The following CADPS variants were observed in gnomAD, a reference collection of about 807,000 sequenced individuals.
CADPS encodes the protein calcium dependent secretion activator, also known as calcium-dependent secretion activator 1.
CADPS carries 57 observed loss-of-function variants against 167.3 expected under a neutral mutation model. The ratio of observed to expected loss-of-function variants is 0.34; its 90% CI spans 0.28 to 0.42. The LOEUF (loss-of-function observed/expected upper bound fraction) is 0.42, where lower values mean the gene tolerates loss of function less well. CADPS is among the 20% of genes least tolerant of loss of function. The probability of loss-of-function intolerance (pLI) is 1.00; values close to 1 mark genes in which losing one functional copy is unlikely to be tolerated. For missense variants in CADPS, 1,414 were observed against 1,738.1 expected (o/e 0.81, Z 3.32); for synonymous variants, 676 against 635.3 (o/e 1.06, Z -0.96).
intron 6 of CADPS, among the ~76,000 whole-genome samples, chr3:62,643,499 G>A (rs953832786): frequency 1.2e-4 from 19 of 152,200 alleles, no homozygotes; most frequent in African/African-American, 4.6e-4. Context: ...CACATGTATA[G>A]TTATGAGTAA....
chr3:62,556,396 C>T (rs916288399), intron 10 of CADPS, among the ~76,000 whole-genome samples: 4 of 152,202 alleles, frequency 2.6e-5, no homozygotes, highest in African/African-American at 9.7e-5. Flanking sequence ...GGGCCCAAGG[C>T]CTTCCCTGCC....
chr3:62,827,513 T>TGAA (rs368570374), intron 1 of CADPS, among the ~76,000 whole-genome samples: 39 of 152,238 alleles, frequency 2.6e-4, no homozygotes, highest in African/African-American at 8.9e-4. Context: ...AAGGAAGGGG[T>TGAA]GAAGTCAGGT....
At chr3:62,624,726 G>A (rs750742141) in intron 6 of CADPS, among the ~76,000 whole-genome samples, 1 of 152,052 alleles carries the variant, frequency 6.6e-6, no homozygotes, top group African/African-American at 2.4e-5. Context: ...CTAAGTCTTG[G>A]TTTTCTCTAT....
chr3:62,725,111 T>C (rs1028830015), intron 3 of CADPS, among the ~76,000 whole-genome samples: 2 of 152,162 alleles, frequency 1.3e-5, no homozygotes, highest in East Asian at 1.9e-4. Flanking sequence ...GAATTCCCAA[T>C]CTTCTCCTCA....
chr3:62,798,301 G>A (rs921908448), intron 1 of CADPS, among the ~76,000 whole-genome samples: 1 of 152,112 alleles, frequency 6.6e-6, no homozygotes, highest in Non-Finnish European at 1.5e-5. Flanking sequence ...GATAAAGCAG[G>A]CAGAAGAACG....
At position 62,420,449 on chromosome 3, in the gene CADPS, G is replaced by A. The variant is rs1007465694; in HGVS notation, c.3778-17264C>T. On this transcript the variant is annotated intron_variant, in intron 28 of 29. Transcript: ENST00000383710. This position sits in a 1 kb window ranked among gnomAD's most constrained non-coding sequence, Gnocchi z 4.1. ...CTGGGTGCAGGGACAATATTCAGATGGTGGTCCAGGAGCTGGGAGGGGTGT... is the reference window on the plus strand; with the variant it reads ...CTGGGTGCAGGGACAATATTCAGATAGTGGTCCAGGAGCTGGGAGGGGTGT... 3.3e-5 allele frequency among the ~76,000 whole-genome samples: 5 copies of A among 152,214 alleles called. No individual in the cohort carries two copies. The highest frequency in any genetic ancestry group is 6.5e-5 in the Admixed American group (1 of 15,288).
chr3:62,634,907 G>A (rs1447497230), intron 6 of CADPS, among the ~76,000 whole-genome samples: 2 of 152,126 alleles, frequency 1.3e-5, no homozygotes, highest in African/African-American at 4.8e-5. Flanking sequence ...GATGAAGGAA[G>A]GGCTGACCAA....
At chr3:62,752,418 T>A (rs1444156710) in intron 3 of CADPS, among the ~76,000 whole-genome samples, 3 of 152,338 alleles carry the variant, frequency 2.0e-5, no homozygotes, top group East Asian at 1.9e-4. Context: ...TATTATGAAA[T>A]GCTAAACAGA....
chr3:62,851,266 CCATTTA>C (rs1397113163), intron 1 of CADPS, among the ~76,000 whole-genome samples: 2 of 136,304 alleles, frequency 1.5e-5, no homozygotes, highest in Non-Finnish European at 3.1e-5. Flanking sequence ...AGAATTTAGT[CCATTTA>C]CATTTAAAGT....
chr3:62,874,452 C>T lies in CADPS; in HGVS notation c.441+137G>A. On this transcript the variant is annotated intron_variant, in intron 1 of 29. Transcript: ENST00000383710. The surrounding 1 kb of genome is among the most constrained non-coding windows in gnomAD (Gnocchi z 7.1). ...GCGAGCCCGGCCGCTGGGAGGGGGC[C>T]TCGTAGCCCTTTCCCCAGGGCGCGG... The T allele has an allele frequency of 1.5e-6, 1 of 665,246 alleles. No homozygotes were observed. Among genetic ancestry groups the T allele is most frequent in the East Asian group, 3.0e-5 (1 of 33,794 alleles). The allele number at this position is 665,246 out of a possible 1,614,324, so 41.2% of individuals were successfully genotyped here. A position where few individuals can be genotyped will look rare whatever the true frequency, so the allele number is the denominator to read the frequency against.
At chr3:62,671,933 T>G (rs931608209) in intron 3 of CADPS, among the ~76,000 whole-genome samples, 1 of 152,002 alleles carries the variant, frequency 6.6e-6, no homozygotes, top group African/African-American at 2.4e-5. Flanking sequence ...TGACTAATTT[T>G]TTAATTTATT....
chr3:62,400,877 C>T (rs1280921877), intron 29 of CADPS, among the ~76,000 whole-genome samples: 10 of 152,038 alleles, frequency 6.6e-5, no homozygotes, highest in Non-Finnish European at 1.0e-4. Context: ...AGATTACGGG[C>T]GTGAGCCATC....
chr3:62,705,040 C>G (rs372211105), intron 3 of CADPS, among the ~76,000 whole-genome samples: 117 of 152,194 alleles, frequency 7.7e-4, no homozygotes, highest in African/African-American at 2.8e-3. Context: ...GGGATTCCAG[C>G]TTAGCCTTAA....
chr3:62,695,860 C>T (rs761967586), intron 3 of CADPS, among the ~76,000 whole-genome samples: 1 of 152,012 alleles, frequency 6.6e-6, no homozygotes, highest in African/African-American at 2.4e-5. Context: ...GGCCCCCAAA[C>T]CTGTTTTTGG....
chr3:62,731,508 C>T (rs2077790184), intron 3 of CADPS, among the ~76,000 whole-genome samples: 1 of 151,960 alleles, frequency 6.6e-6, no homozygotes, highest in Admixed American at 6.6e-5. Context: ...AACTTGTACC[C>T]CAAATTAGTT....
chr3:62,560,381 G>T (rs907894457), intron 9 of CADPS, among the ~76,000 whole-genome samples: 1 of 152,318 alleles, frequency 6.6e-6, no homozygotes, highest in East Asian at 1.9e-4. Flanking sequence ...TTTTAAAACT[G>T]TATTTTGTTG....
chr3:62,482,319 T>A (rs1442379717), intron 21 of CADPS, among the ~76,000 whole-genome samples: 1 of 152,190 alleles, frequency 6.6e-6, no homozygotes, highest in African/African-American at 2.4e-5. Flanking sequence ...GATGGAGGCA[T>A]ATTTCTCAAT....
At chr3:62,798,730 C>T (rs746009985) in intron 1 of CADPS, among the ~76,000 whole-genome samples, 27 of 152,206 alleles carry the variant, frequency 1.8e-4, no homozygotes, top group Non-Finnish European at 3.7e-4. Context: ...GTACTTTTTC[C>T]TGCTTCCTCT....
At chr3:62,501,782 G>A (rs1020770697) in intron 17 of CADPS, among the ~76,000 whole-genome samples, 3 of 152,128 alleles carry the variant, frequency 2.0e-5, no homozygotes, top group African/African-American at 7.2e-5. Context: ...AAAAATCCAA[G>A]ATGTTGAAGC....
Sources: allele counts gnomAD v4.1 joint callset (sites outside exome capture counted in the v4.1 genomes callset), GRCh38; gene constraint gnomAD v4.1.1; non-coding constraint Gnocchi (gnomAD v3.1); transcripts MANE v1.5; gene names NCBI Gene and HGNC (gene_info 2026-07-23, HGNC 2026-07-21).